SENP6: variants seen among roughly 807,000 people sequenced by gnomAD.
SENP6 encodes SUMO specific peptidase 6, also known as sentrin-specific protease 6.
A neutral mutation model predicts 134.5 loss-of-function variants in SENP6; 41 were observed. The observed-to-expected ratio is 0.30, with a 90% confidence interval of 0.24 to 0.40. The LOEUF is 0.40. Ranked by LOEUF, SENP6 falls within the 10% of genes least tolerant of loss-of-function variation. SENP6 has a pLI of 1.00. For missense variants in SENP6, 1,248 were observed against 1,312.5 expected, an observed-to-expected ratio of 0.95 and a Z score of 0.76; for synonymous variants, 395 against 429.8, an observed-to-expected ratio of 0.92 and a Z score of 1.00.
At chr6:75,607,189 A>G (rs935628557) in intron 1 of SENP6, among the ~76,000 whole-genome samples, 1 of 152,040 alleles carries the variant, frequency 6.6e-6, no homozygotes, top group Non-Finnish European at 1.5e-5. Context: ...CTGTACAAAA[A>G]CATAAAAAAA....
chr6:75,609,997 A>G (rs1767323928), intron 1 of SENP6, among the ~76,000 whole-genome samples: 1 of 152,142 alleles, frequency 6.6e-6, no homozygotes, highest in Non-Finnish European at 1.5e-5. Context: ...CATGTTGTCC[A>G]GGCTGGTCTC....
chr6:75,664,364 T>A (rs1335540991), intron 9 of SENP6, among the ~76,000 whole-genome samples: 3 of 151,964 alleles, frequency 2.0e-5, no homozygotes, highest in East Asian at 3.9e-4. Context: ...TGGGCCTTTT[T>A]AAAAAATCTA....
chr6:75,638,572 GTGTGTGTGTGTGTGTGTGTATA>G (rs1267546408), intron 5 of SENP6, among the ~76,000 whole-genome samples: 1 of 11,662 alleles, frequency 8.6e-5, no homozygotes, highest in African/African-American at 2.7e-4. Context: ...GTGTGTGTGT[GTGTGTGTGTGTGTGTGTGTATA>G]TATATATATA....
chr6:75,647,969 C>T (rs928146457), intron 7 of SENP6, among the ~76,000 whole-genome samples, 168 bp downstream of exon 7: 1 of 152,104 alleles, frequency 6.6e-6, no homozygotes, highest in Non-Finnish European at 1.5e-5. Context: ...TAACCTGATA[C>T]CTGGAACAGT....
intron 3 of SENP6, among the ~76,000 whole-genome samples, chr6:75,630,448 A>G (rs926171087): frequency 4.6e-5 from 7 of 152,212 alleles, no homozygotes; most frequent in African/African-American, 1.4e-4. Flanking sequence ...GCCTTTGGGC[A>G]TGGATCAGGG....
In SENP6 at chr6:75,663,398, G is replaced by A. The variant is rs764819324; in HGVS notation, c.874G>A (p.Asp292Asn). Residue 292 changes from aspartate (D) to asparagine (N), a missense_variant, in exon 9 of 24, where the codon GAT becomes AAT. By Grantham distance (23) the Asp-to-Asn change is conservative. Coordinates refer to ENST00000447266, the MANE Select transcript of SENP6 (RefSeq NM_015571.4). ...TCCAATTGATATTATTGTGAATTGTGATGACAGTAAACACACTTATTTACA... is the reference window on the plus strand; with the variant it reads ...TCCAATTGATATTATTGTGAATTGTAATGACAGTAAACACACTTATTTACA... ...KVPIDIIVNC[D>N]DSKHTYLQTN... The A allele has an allele frequency of 2.5e-6, 4 of 1,613,740 alleles. No homozygotes were observed. Among genetic ancestry groups the A allele is most frequent in the Non-Finnish European group, 3.4e-6 (4 of 1,179,816 alleles).
chr6:75,615,215 GTGTCGCGCAGGCTGAAGTGCAGTGGCA>G (rs1767762165), intron 1 of SENP6, among the ~76,000 whole-genome samples: 1 of 151,664 alleles, frequency 6.6e-6, no homozygotes, highest in Non-Finnish European at 1.5e-5. Flanking sequence ...GAGTCTTGCT[GTGTCGCGCAGGCTGAAGTGCAGTGGCA>G]TGATCTCAGC....
At chr6:75,661,407 C>T (rs1771766704) in intron 8 of SENP6, among the ~76,000 whole-genome samples, 1 of 152,190 alleles carries the variant, frequency 6.6e-6, no homozygotes, top group Non-Finnish European at 1.5e-5. Flanking sequence ...AATACAACAT[C>T]TTTTGTCCAC....
intron 5 of SENP6, among the ~76,000 whole-genome samples, chr6:75,639,651 C>T (rs931488032): frequency 6.6e-6 from 1 of 151,852 alleles, no homozygotes; most frequent in Non-Finnish European, 1.5e-5. Context: ...ATTTCATTCT[C>T]GAGTAATTGA....
In SENP6 at chr6:75,675,502, C is replaced by T. The variant is rs774658892; in HGVS notation, c.1426+34C>T. 4 of 1,311,284 alleles carry T rather than the reference C, an allele frequency of 3.1e-6. No individual in the cohort carries two copies. In the East Asian group the frequency reaches 9.5e-5, roughly 31 times the overall value. 81.2% of individuals were successfully genotyped at this position (1,311,284 alleles called of 1,614,324 possible). On this transcript the variant is annotated intron_variant, in intron 12 of 23. Coordinates refer to ENST00000447266, the MANE Select transcript of SENP6 (RefSeq NM_015571.4). ...TTTTATGTCTTTTTACTTACCAAAG[C>T]TTTCTTTACACCAAAGCACTTTACA...
chr6:75,700,258 T>A (rs1015003900), intron 18 of SENP6, among the ~76,000 whole-genome samples: 3 of 152,160 alleles, frequency 2.0e-5, no homozygotes, highest in Admixed American at 6.5e-5. Flanking sequence ...AACGTAGCTG[T>A]TATTAAAAGG....
intron 20 of SENP6, 109 bp from the exon 21 acceptor site, chr6:75,711,219 A>G (rs565497835): frequency 1.5e-6 from 1 of 674,630 alleles, no homozygotes; most frequent in South Asian, 2.4e-5. Flanking sequence ...ATAGAGAAAA[A>G]GTTTTGACAA....
At chr6:75,656,035 C>T (rs796435249) in intron 7 of SENP6, among the ~76,000 whole-genome samples, 16 of 151,788 alleles carry the variant, frequency 1.1e-4, no homozygotes, top group African/African-American at 3.4e-4. Flanking sequence ...GCCAACGTGG[C>T]GAAACCCTGT....
intron 10 of SENP6, among the ~76,000 whole-genome samples, chr6:75,667,282 TTTATA>T (rs1395363798): frequency 2.6e-5 from 4 of 152,186 alleles, no homozygotes; most frequent in Non-Finnish European, 5.9e-5. Flanking sequence ...TTCATTATGT[TTTATA>T]TTTTACTATA....
At chr6:75,701,689 G>C (rs1461418043) in intron 18 of SENP6, among the ~76,000 whole-genome samples, 1 of 143,946 alleles carries the variant, frequency 6.9e-6, no homozygotes, top group African/African-American at 2.6e-5. Flanking sequence ...GCCCAGGGTG[G>C]AGTGCAGTGG....
intron 19 of SENP6, among the ~76,000 whole-genome samples, chr6:75,707,146 G>A (rs1205163796): frequency 1.3e-5 from 2 of 152,076 alleles, no homozygotes; most frequent in Non-Finnish European, 2.9e-5. Context: ...TTTGTGTAAG[G>A]TAGATAGATA....
At chr6:75,619,445 A>ATGTGTGTGTGTGTGTG (rs61131437) in intron 1 of SENP6, among the ~76,000 whole-genome samples, 46 of 149,248 alleles carry the variant, frequency 3.1e-4, no homozygotes, top group African/African-American at 1.1e-3. Context: ...CGTTGTGTCT[A>ATGTGTGTGTGTGTGTG]TGTGTGTGTG....
intron 3 of SENP6, among the ~76,000 whole-genome samples, chr6:75,630,260 G>A (rs1017225665): frequency 6.6e-6 from 1 of 151,932 alleles, no homozygotes; most frequent in Non-Finnish European, 1.5e-5. Context: ...AGTAGAGACG[G>A]GGTTTCACCA....
At chr6:75,617,845 G>C (rs947916934) in intron 1 of SENP6, among the ~76,000 whole-genome samples, 1 of 151,948 alleles carries the variant, frequency 6.6e-6, no homozygotes, top group African/African-American at 2.4e-5. Flanking sequence ...ATCTTTCCTT[G>C]TTTTTCATAA....
Sources: gnomAD v4.1 joint callset for allele counts (sites outside exome capture counted in the v4.1 genomes callset) on GRCh38, gnomAD v4.1.1 for gene constraint, MANE v1.5 for transcripts, NCBI Gene and HGNC (gene_info 2026-07-23, HGNC 2026-07-21) for gene names.